Variants in CADM1 observed in about 807,000 individuals in gnomAD.
CADM1 encodes TSLC-1.
Under a neutral mutation model 53.1 loss-of-function variants are expected in CADM1, and 15 were observed. The observed-to-expected ratio is 0.28, with a 90% CI of 0.19 to 0.44. The LOEUF (loss-of-function observed/expected upper bound fraction) is 0.44. Among genes scored for constraint, CADM1 ranks in the 20% least tolerant of loss-of-function variants. The probability of loss-of-function intolerance (pLI) is 1.00; values close to 1 mark genes in which losing one functional copy is unlikely to be tolerated. For missense variants in CADM1, 434 were observed against 611.3 expected, an observed-to-expected ratio of 0.71 and a Z score of 3.06; for synonymous variants, 281 against 243.0, an observed-to-expected ratio of 1.16 and a Z score of -1.45.
Position 115,504,281 on chromosome 11 carries a change from C to T in CADM1, c.114G>A (p.Leu38=). The change falls in exon 1 of 12, where the codon CTG becomes CTA. Residue 38 remains leucine, a synonymous_variant. Coordinates refer to ENST00000331581, the MANE Select transcript of CADM1 (RefSeq NM_001301043.2). ...LLLLLFSAAA[L]IPTGDGQNLF... ...GGTGCCCACACCTACCTGTGGGGAT[C>T]AGTGCCGCGGCGGAGAAGAGCAACA... 1 of 1,571,662 alleles carries T rather than the reference C, an allele frequency of 6.4e-7. No homozygotes were observed. The highest frequency in any genetic ancestry group is 8.6e-7 in the Non-Finnish European group (1 of 1,159,152).
chr11:115,233,679 ATAGGAGTGTCTT>A lies in CADM1; in HGVS notation c.425-2201_425-2190del, dbSNP rs556302584. On this transcript the variant is annotated intron_variant, in intron 3 of 11. Coordinates refer to ENST00000331581, the MANE Select transcript of CADM1 (RefSeq NM_001301043.2). ...TGAAAACAACTAAGGTGTAACAAAT[ATAGGAGTGTCTT>A]CTCAACTAAGGAAGGAATGAAAGTA... Among the ~76,000 whole-genome samples, 255 of 152,308 alleles carry A rather than the reference ATAGGAGTGTCTT, an allele frequency of 1.7e-3. 1 individual carries two copies. The highest frequency in any genetic ancestry group is 5.1e-3 in the African/African-American group (213 of 41,568).
At chr11:115,314,016 C>T (rs780457491) in intron 1 of CADM1, among the ~76,000 whole-genome samples, 13 of 152,278 alleles carry the variant, frequency 8.5e-5, no homozygotes, top group Middle Eastern at 3.4e-3. Context: ...CAGAGAACTG[C>T]TGATAGAGAT....
At chr11:115,419,288 C>T (rs1947694074) in intron 1 of CADM1, among the ~76,000 whole-genome samples, 2 of 152,188 alleles carry the variant, frequency 1.3e-5, no homozygotes, top group Non-Finnish European at 2.9e-5. Flanking sequence ...TGGGTCACCT[C>T]TCCACATTCC....
At chr11:115,502,135 G>A (rs573706145) in intron 1 of CADM1, among the ~76,000 whole-genome samples, 20 of 152,042 alleles carry the variant, frequency 1.3e-4, no homozygotes, top group African/African-American at 4.8e-4. Context: ...TATATCCCTC[G>A]CAGGGAAGGC....
chr11:115,314,301 TAAG>T (rs1447474830), intron 1 of CADM1, among the ~76,000 whole-genome samples: 2 of 152,120 alleles, frequency 1.3e-5, no homozygotes, highest in East Asian at 3.9e-4. Context: ...ACTAAACAAT[TAAG>T]TTAATGAGCT....
intron 1 of CADM1, among the ~76,000 whole-genome samples, chr11:115,329,828 G>A (rs566712418): frequency 9.2e-4 from 140 of 151,854 alleles, no homozygotes; most frequent in Non-Finnish European, 1.8e-3. Flanking sequence ...GAAAGGAGAT[G>A]GAGCGGGAAG....
chr11:115,363,045 C>T (rs1482763303), intron 1 of CADM1, among the ~76,000 whole-genome samples: 1 of 151,912 alleles, frequency 6.6e-6, no homozygotes, highest in Non-Finnish European at 1.5e-5. Flanking sequence ...TCCCTACCAA[C>T]AAAAAAAATC....
At chr11:115,493,371 G>GA (rs2135431765) in intron 1 of CADM1, among the ~76,000 whole-genome samples, 1 of 151,502 alleles carries the variant, frequency 6.6e-6, no homozygotes, top group South Asian at 2.1e-4. Flanking sequence ...TACAGAATTA[G>GA]AAAATCACAG....
At chr11:115,202,485 T>G (rs1940480635) in intron 8 of CADM1, among the ~76,000 whole-genome samples, 4 of 152,204 alleles carry the variant, frequency 2.6e-5, no homozygotes, top group Admixed American at 2.6e-4. Flanking sequence ...ATGCGCAGAC[T>G]GCAAGCCTGC....
rs555200224 is a variant in CADM1, at chr11:115,182,846, T to C, written c.1166-4071A>G. 1.2e-4 allele frequency among the ~76,000 whole-genome samples: 19 copies of C among 152,264 alleles called. No individual in the cohort carries two copies. The South Asian group carries it at 3.9e-3, about 32-fold the overall frequency. On this transcript the variant is annotated intron_variant, in intron 10 of 11. Transcript: ENST00000331581. ...AGTGTGACAGATAAATCATGAGGTGTTTAGTATTCGTGAGTTAGCTTTTCT... is the reference window on the plus strand; with the variant it reads ...AGTGTGACAGATAAATCATGAGGTGCTTAGTATTCGTGAGTTAGCTTTTCT...
intron 1 of CADM1, among the ~76,000 whole-genome samples, chr11:115,320,643 T>C (rs969069891): frequency 1.3e-5 from 2 of 151,974 alleles, no homozygotes; most frequent in Admixed American, 6.6e-5. Context: ...AGACCTACAG[T>C]TTTATCTTCA....
At chr11:115,255,899 C>T (rs545783643) in intron 1 of CADM1, among the ~76,000 whole-genome samples, 1 of 152,292 alleles carries the variant, frequency 6.6e-6, no homozygotes, top group East Asian at 1.9e-4. Context: ...AAGCAGCTAG[C>T]TGACTGTAAC....
At chr11:115,499,015 A>C (rs1949678744) in intron 1 of CADM1, among the ~76,000 whole-genome samples, 1 of 152,186 alleles carries the variant, frequency 6.6e-6, no homozygotes, top group African/African-American at 2.4e-5. Flanking sequence ...ACATATTTGA[A>C]ATTTTCCATA....
At chr11:115,387,794 GTATAT>G (rs777408437) in intron 1 of CADM1, among the ~76,000 whole-genome samples, 1 of 151,844 alleles carries the variant, frequency 6.6e-6, no homozygotes, top group Non-Finnish European at 1.5e-5. Flanking sequence ...GCATGTGTGT[GTATAT>G]TATTTTTCCT....
chr11:115,433,251 C>G (rs898548932), intron 1 of CADM1, among the ~76,000 whole-genome samples: 2 of 152,180 alleles, frequency 1.3e-5, no homozygotes, highest in African/African-American at 4.8e-5. Context: ...ACACATTTCT[C>G]CCTGTGGTAT....
chr11:115,320,627 G>A lies in CADM1; in HGVS notation c.125-80207C>T, dbSNP rs575718923. ...TCCTACAAGAAGAATTGCAGAATTA[G>A]TGTTTAGACCTACAGTTTTATCTTC... On this transcript the variant is annotated intron_variant, in intron 1 of 11. Coordinates refer to ENST00000331581, the MANE Select transcript of CADM1 (RefSeq NM_001301043.2). 8.5e-4 allele frequency among the ~76,000 whole-genome samples: 130 copies of A among 152,070 alleles called. 1 individual carries two copies. The highest frequency in any genetic ancestry group is 6.8e-3 in the Middle Eastern group (2 of 294).
At chr11:115,405,163 T>C (rs569567121) in intron 1 of CADM1, among the ~76,000 whole-genome samples, 2 of 152,136 alleles carry the variant, frequency 1.3e-5, no homozygotes, top group Non-Finnish European at 2.9e-5. Context: ...CTGTTGCCCA[T>C]GCTGGTCTCA....
intron 1 of CADM1, among the ~76,000 whole-genome samples, chr11:115,348,223 T>C (rs1290260476): frequency 6.6e-6 from 1 of 152,206 alleles, no homozygotes; most frequent in Non-Finnish European, 1.5e-5. Context: ...AAACCTTAAC[T>C]ACCAGAATAG....
At chr11:115,255,938 T>C (rs1942771633) in intron 1 of CADM1, among the ~76,000 whole-genome samples, 1 of 152,242 alleles carries the variant, frequency 6.6e-6, no homozygotes, top group South Asian at 2.1e-4. Context: ...CTGCACTTAA[T>C]TGCAAAAATG....
Sources: allele counts gnomAD v4.1 joint callset (sites outside exome capture counted in the v4.1 genomes callset), GRCh38; gene constraint gnomAD v4.1.1; transcripts MANE v1.5; gene names NCBI Gene and HGNC (gene_info 2026-07-23, HGNC 2026-07-21).